DYNC1I1: variants seen among roughly 807,000 people sequenced by gnomAD.
The protein encoded by DYNC1I1 is dynein cytoplasmic 1 intermediate chain 1, also known as cytoplasmic dynein 1 intermediate chain 1.
A neutral mutation model predicts 86.6 loss-of-function variants in DYNC1I1; 43 were observed. That is an observed-to-expected ratio of 0.50 (90% confidence interval 0.39 to 0.64). The LOEUF (loss-of-function observed/expected upper bound fraction) is 0.64. Among genes scored for constraint, DYNC1I1 ranks in the 30% least tolerant of loss-of-function variants. The pLI, the probability that DYNC1I1 is intolerant of heterozygous loss-of-function variation, is 0.00. For synonymous variants in DYNC1I1, 262 were observed against 283.7 expected (o/e 0.92, Z 0.77); for missense variants, 604 against 788.8 (o/e 0.77, Z 2.81).
chr7:96,099,382 A>C (rs979552251), downstream of DYNC1I1, among the ~76,000 whole-genome samples: 2 of 152,214 alleles, frequency 1.3e-5, no homozygotes, highest in Non-Finnish European at 2.9e-5. Context: ...CTGGGAAGTG[A>C]TGCTACATGG....
chr7:95,827,117 A>G (rs1055182970), intron 4 of DYNC1I1, among the ~76,000 whole-genome samples: 2 of 152,174 alleles, frequency 1.3e-5, no homozygotes, highest in Admixed American at 1.3e-4. Flanking sequence ...CCACAGAGTA[A>G]ACAAAGGGAT....
intron 6 of DYNC1I1, among the ~76,000 whole-genome samples, chr7:95,920,453 T>G (rs534840100): frequency 1.3e-5 from 2 of 152,108 alleles, no homozygotes; most frequent in Admixed American, 6.6e-5. Context: ...AGAAGGACAT[T>G]AGGTAAAAAT....
At chr7:95,883,132 C>T (rs1790498981) in intron 6 of DYNC1I1, among the ~76,000 whole-genome samples, 1 of 152,136 alleles carries the variant, frequency 6.6e-6, no homozygotes, top group East Asian at 1.9e-4. Flanking sequence ...CTTTTATCAA[C>T]TCATTGGAAT....
chr7:95,981,106 T>C (rs898615694), intron 7 of DYNC1I1, among the ~76,000 whole-genome samples: 7 of 152,158 alleles, frequency 4.6e-5, no homozygotes, highest in African/African-American at 9.7e-5. Context: ...CAGGACATAT[T>C]TGTAGTAGAT....
At chr7:95,790,143 G>A (rs758608767) in intron 1 of DYNC1I1, among the ~76,000 whole-genome samples, 2 of 152,114 alleles carry the variant, frequency 1.3e-5, no homozygotes, top group Non-Finnish European at 2.9e-5. Flanking sequence ...TTAAAGCATG[G>A]CATAGCCAAC....
At chr7:95,905,574 G>A (rs558036201) in intron 6 of DYNC1I1, among the ~76,000 whole-genome samples, 84 of 152,186 alleles carry the variant, frequency 5.5e-4, no homozygotes, top group African/African-American at 2.0e-3. Flanking sequence ...TCAAACTCAC[G>A]TGGGGTCCCT....
chr7:96,034,975 T>A (rs950856150), intron 12 of DYNC1I1, among the ~76,000 whole-genome samples: 3 of 152,244 alleles, frequency 2.0e-5, no homozygotes, highest in African/African-American at 7.2e-5. Flanking sequence ...CAGCAGTATA[T>A]CTTTTAAGAT....
chr7:95,878,960 A>AT (rs1195787166), intron 6 of DYNC1I1, among the ~76,000 whole-genome samples: 4 of 151,678 alleles, frequency 2.6e-5, no homozygotes, highest in Non-Finnish European at 4.4e-5. Flanking sequence ...AGAAAAAAAA[A>AT]AAAACAACTA....
At chr7:95,910,414 G>A (rs1358424338) in intron 6 of DYNC1I1, among the ~76,000 whole-genome samples, 1 of 152,072 alleles carries the variant, frequency 6.6e-6, no homozygotes, top group Non-Finnish European at 1.5e-5. Flanking sequence ...TATATTATCT[G>A]ACAGCCCTAG....
At chr7:96,072,622 C>T (rs1307021362) in intron 14 of DYNC1I1, among the ~76,000 whole-genome samples, 1 of 151,984 alleles carries the variant, frequency 6.6e-6, no homozygotes, top group African/African-American at 2.4e-5. Flanking sequence ...CAAATTTGCC[C>T]CCATCATCTC....
chr7:95,878,994 A>T (rs1398377819), intron 6 of DYNC1I1, among the ~76,000 whole-genome samples: 1 of 151,824 alleles, frequency 6.6e-6, no homozygotes, highest in Non-Finnish European at 1.5e-5. Context: ...ACTACCCAGC[A>T]AAGCTATCTT....
chr7:95,865,642 A>G (rs1339602466), intron 5 of DYNC1I1, among the ~76,000 whole-genome samples: 1 of 152,318 alleles, frequency 6.6e-6, no homozygotes, highest in Admixed American at 6.5e-5. Context: ...GTCCTGTATG[A>G]TTATAATACT....
intron 15 of DYNC1I1, among the ~76,000 whole-genome samples, chr7:96,076,646 C>G (rs1790349758): frequency 6.6e-6 from 1 of 152,158 alleles, no homozygotes; most frequent in African/African-American, 2.4e-5. Context: ...CCACAAAAGA[C>G]GATTCTGTTG....
At chr7:95,790,614 T>A (rs1257997567) in intron 1 of DYNC1I1, among the ~76,000 whole-genome samples, 1 of 152,252 alleles carries the variant, frequency 6.6e-6, no homozygotes, top group Non-Finnish European at 1.5e-5. Context: ...CTTTATCATC[T>A]GTTGAACAAA....
At chr7:96,005,836 C>T (rs739513) in intron 10 of DYNC1I1, among the ~76,000 whole-genome samples, 17,176 of 152,136 alleles carry the variant, frequency 0.11, 1,055 homozygotes, top group Non-Finnish European at 0.13. Flanking sequence ...TTCAAAACGC[C>T]GTTGCTAGGC....
intron 6 of DYNC1I1, among the ~76,000 whole-genome samples, chr7:95,874,374 CTAAT>C (rs1254108468): frequency 4.6e-5 from 7 of 151,826 alleles, no homozygotes; most frequent in Admixed American, 1.3e-4. Flanking sequence ...GAAACTAACT[CTAAT>C]TAAGTTTAAA....
At chr7:95,854,250 A>C (rs963745885) in intron 5 of DYNC1I1, among the ~76,000 whole-genome samples, 1 of 151,780 alleles carries the variant, frequency 6.6e-6, no homozygotes, top group African/African-American at 2.4e-5. Flanking sequence ...TTTGTAGTTA[A>C]GTGATTTTCT....
At chr7:96,053,989 T>A (rs1789488379) in intron 14 of DYNC1I1, among the ~76,000 whole-genome samples, 1 of 152,232 alleles carries the variant, frequency 6.6e-6, no homozygotes, top group Non-Finnish European at 1.5e-5. Context: ...TTTCTTTTTT[T>A]ATTATACTTC....
intron 11 of DYNC1I1, among the ~76,000 whole-genome samples, chr7:96,028,580 A>C (rs1794737193): frequency 6.6e-6 from 1 of 152,164 alleles, no homozygotes; most frequent in Non-Finnish European, 1.5e-5. Flanking sequence ...CAGTGAAGAG[A>C]AACCTTGGAA....
Sources: gnomAD v4.1 joint callset for allele counts (sites outside exome capture counted in the v4.1 genomes callset) on GRCh38, gnomAD v4.1.1 for gene constraint, MANE v1.5 for transcripts, NCBI Gene and HGNC (gene_info 2026-07-23, HGNC 2026-07-21) for gene names.